DPP6: variants seen among roughly 807,000 people sequenced by gnomAD.
The protein encoded by DPP6 is A-type potassium channel modulatory protein DPP6.
DPP6 carries 69 observed loss-of-function variants against 122.6 expected under a neutral mutation model. The observed-to-expected ratio is 0.56, with a 90% CI of 0.46 to 0.69. DPP6 has a LOEUF of 0.69. Ranked by LOEUF, DPP6 falls within the 30% of genes least tolerant of loss-of-function variation. The pLI is 0.00. For synonymous variants in DPP6, 418 were observed against 433.1 expected, an observed-to-expected ratio of 0.97 and a Z score of 0.43; for missense variants, 928 against 1,116.9, an observed-to-expected ratio of 0.83 and a Z score of 2.41.
At chr7:154,723,216 C>A (rs904634434) in intron 7 of DPP6, among the ~76,000 whole-genome samples, 1 of 152,148 alleles carries the variant, frequency 6.6e-6, no homozygotes, top group African/African-American at 2.4e-5. Flanking sequence ...GAGACTGAGC[C>A]ACTGCACTCC....
At chr7:154,717,789 T>C (rs895043792) in intron 7 of DPP6, among the ~76,000 whole-genome samples, 2 of 152,200 alleles carry the variant, frequency 1.3e-5, no homozygotes, top group Non-Finnish European at 2.9e-5. Context: ...CTGGATCATA[T>C]AGTAGCTCTA....
intron 1 of DPP6, among the ~76,000 whole-genome samples, chr7:154,358,372 A>G (rs1161116488): frequency 6.6e-6 from 1 of 152,220 alleles, no homozygotes; most frequent in African/African-American, 2.4e-5. Flanking sequence ...GCTTTAAGAT[A>G]TGCTTTTCTA....
At chr7:154,034,098 A>T (rs1179018406) in intron 1 of DPP6, among the ~76,000 whole-genome samples, 1 of 152,232 alleles carries the variant, frequency 6.6e-6, no homozygotes, top group Non-Finnish European at 1.5e-5. Context: ...TTTATGGCTT[A>T]TTAAGTGTAG....
In DPP6 at chr7:154,821,313, CT is replaced by C. The variant is rs1286970919; in HGVS notation, c.1666+14202del. ...TACATTGTTCTGATAGCCTCACTTACTCATTTTAAGCTTATTTTATTTTTAT... is the reference window on the plus strand; with the variant it reads ...TACATTGTTCTGATAGCCTCACTTACCATTTTAAGCTTATTTTATTTTTAT... On this transcript the variant is annotated intron_variant, in intron 16 of 25. Coordinates refer to ENST00000377770, the MANE Select transcript of DPP6 (RefSeq NM_130797.4). The surrounding 1 kb of genome is among the most constrained non-coding windows in gnomAD (Gnocchi z 4.2). Among the ~76,000 whole-genome samples, 1 of 152,000 alleles carries C rather than the reference CT, an allele frequency of 6.6e-6. No homozygotes were observed. The highest frequency in any genetic ancestry group is 1.5e-5 in the Non-Finnish European group (1 of 67,998).
In DPP6 at chr7:154,124,332, A is replaced by G. The variant is rs560511338; in HGVS notation, c.243+71269A>G. Among the ~76,000 whole-genome samples the G allele has an allele frequency of 5.7e-4, 87 of 152,266 alleles. 1 individual carries two copies. In the South Asian group the frequency reaches 0.013, roughly 22 times the overall value. ...AAGGGATGAGAAGCCAAATGGGTGG[A>G]GAGCGGGAGCAGGGGAGGAGGGTGA... On this transcript the variant is annotated intron_variant, in intron 1 of 25. Coordinates refer to ENST00000377770, the MANE Select transcript of DPP6 (RefSeq NM_130797.4).
chr7:154,516,978 T>A (rs996585988), intron 3 of DPP6, among the ~76,000 whole-genome samples: 3 of 152,220 alleles, frequency 2.0e-5, no homozygotes, highest in African/African-American at 2.4e-5. Flanking sequence ...TCTGTTATCT[T>A]TTTTTATTTT....
chr7:153,852,072 T>C, the DPP6 span, among the ~76,000 whole-genome samples: 1 of 152,184 alleles, frequency 6.6e-6, no homozygotes, highest in African/African-American at 2.4e-5. Flanking sequence ...CCTTTGGAGT[T>C]TGTTATTTCA....
intron 5 of DPP6, among the ~76,000 whole-genome samples, chr7:154,634,075 A>T (rs1284628122): frequency 1.1e-4 from 16 of 146,770 alleles, no homozygotes; most frequent in Non-Finnish European, 2.2e-4. Flanking sequence ...GGTTTATATC[A>T]TATGTATACA....
chr7:154,849,447 G>T (rs1480829564), intron 16 of DPP6, among the ~76,000 whole-genome samples: 2 of 152,080 alleles, frequency 1.3e-5, no homozygotes, highest in Non-Finnish European at 2.9e-5. Context: ...AAATGGGATT[G>T]TTTCCTTAAT....
intron 7 of DPP6, among the ~76,000 whole-genome samples, chr7:154,711,534 C>G (rs1029340068): frequency 5.3e-5 from 8 of 152,128 alleles, no homozygotes; most frequent in Admixed American, 4.6e-4. Flanking sequence ...AGAGATCATC[C>G]AACCCAACCT....
At chr7:154,769,317 G>A (rs1445303766) in intron 8 of DPP6, 100 bp from the exon 9 acceptor site, 1 of 1,501,460 alleles carries the variant, frequency 6.7e-7, no homozygotes, top group African/African-American at 1.4e-5. Flanking sequence ...GGCTCTGCAG[G>A]GACTCGTTTC....
intron 6 of DPP6, among the ~76,000 whole-genome samples, chr7:154,646,906 G>A (rs1378962065): frequency 6.6e-6 from 1 of 152,220 alleles, no homozygotes; most frequent in East Asian, 1.9e-4. Context: ...GGGAGTCATT[G>A]CAGCTACTCT....
At chr7:154,812,040 C>T (rs138156856) in intron 16 of DPP6, among the ~76,000 whole-genome samples, 71 of 152,284 alleles carry the variant, frequency 4.7e-4, no homozygotes, top group African/African-American at 1.6e-3. Flanking sequence ...CTGTTCATCC[C>T]GTCACACAGG....
intron 10 of DPP6, among the ~76,000 whole-genome samples, chr7:154,788,938 G>A (rs1797505182): frequency 6.6e-6 from 1 of 152,096 alleles, no homozygotes; most frequent in Admixed American, 6.5e-5. Flanking sequence ...TTTAGTTTTA[G>A]TTTCCTTGCA....
At chr7:154,734,560 T>G (rs73498029) in intron 8 of DPP6, among the ~76,000 whole-genome samples, 1,819 of 152,350 alleles carry the variant, frequency 0.012, 37 homozygotes, top group African/African-American at 0.041. Context: ...ATATGTACAT[T>G]ACTATGTAAA....
chr7:153,865,774 G>A, the DPP6 span, among the ~76,000 whole-genome samples: 1 of 151,756 alleles, frequency 6.6e-6, no homozygotes, highest in Non-Finnish European at 1.5e-5. Context: ...TTAGCATTAG[G>A]TATATCTCCT....
chr7:154,146,812 C>T (rs62487200), intron 1 of DPP6, among the ~76,000 whole-genome samples: 101,505 of 150,850 alleles, frequency 0.67, 34,913 homozygotes, highest in Middle Eastern at 0.83. Context: ...GAGCAAGCCG[C>T]GCGGCTGCCA....
chr7:154,437,223 C>G (rs1035991570), intron 1 of DPP6, among the ~76,000 whole-genome samples: 2 of 152,224 alleles, frequency 1.3e-5, no homozygotes, highest in Non-Finnish European at 2.9e-5. Context: ...TTCCATTATA[C>G]TGGATTATGT....
intron 1 of DPP6, among the ~76,000 whole-genome samples, chr7:154,419,327 G>A (rs1164208846): frequency 2.0e-5 from 3 of 152,186 alleles, no homozygotes; most frequent in Non-Finnish European, 4.4e-5. Context: ...TAGACATGAT[G>A]GGTATGCTTT....
Sources: gnomAD v4.1 joint callset for allele counts (sites outside exome capture counted in the v4.1 genomes callset) on GRCh38, gnomAD v4.1.1 for gene constraint, Gnocchi (gnomAD v3.1) non-coding constraint, MANE v1.5 for transcripts, NCBI Gene and HGNC (gene_info 2026-07-23, HGNC 2026-07-21) for gene names.